The following ENTREP2 variants were observed in gnomAD, a reference collection of about 807,000 sequenced individuals.
ENTREP2 encodes endosomal transmembrane epsin interactor 2.
chr15:29,522,668 A>G, the ENTREP2 span, among the ~76,000 whole-genome samples: 2 of 152,324 alleles, frequency 1.3e-5, no homozygotes, highest in Admixed American at 6.5e-5. Context: ...ATCACAGTGC[A>G]TGTGAGAACC....
the ENTREP2 span, among the ~76,000 whole-genome samples, chr15:29,458,125 G>A: frequency 6.6e-6 from 1 of 152,204 alleles, no homozygotes; most frequent in African/African-American, 2.4e-5. Flanking sequence ...TAGCTAGCAT[G>A]TCGGTCAGTC....
chr15:29,638,233 C>A, the ENTREP2 span, among the ~76,000 whole-genome samples: 39 of 152,228 alleles, frequency 2.6e-4, no homozygotes, highest in African/African-American at 9.2e-4. Flanking sequence ...TGCTGCAGGG[C>A]CAGCTCTTCC....
chr15:29,179,644 G>T, the ENTREP2 span, among the ~76,000 whole-genome samples: 2 of 151,118 alleles, frequency 1.3e-5, no homozygotes, highest in African/African-American at 2.4e-5. Context: ...GCAGTGGTGC[G>T]ATCTCAGCTC....
At chr15:29,668,699 CA>C in the ENTREP2 span, among the ~76,000 whole-genome samples, 1 of 152,148 alleles carries the variant, frequency 6.6e-6, no homozygotes, top group East Asian at 1.9e-4. Flanking sequence ...AAAGGAGCTT[CA>C]AGGTCTCTCT....
the ENTREP2 span, among the ~76,000 whole-genome samples, chr15:29,633,604 A>G: frequency 5.3e-5 from 8 of 152,118 alleles, no homozygotes; most frequent in Non-Finnish European, 1.2e-4. Flanking sequence ...TTCATGCACA[A>G]TTTTGCAATC....
chr15:29,550,133 C>T, the ENTREP2 span, among the ~76,000 whole-genome samples: 1 of 152,158 alleles, frequency 6.6e-6, no homozygotes, highest in East Asian at 1.9e-4. Context: ...CATATCTAGG[C>T]CCCGACTCTG....
the ENTREP2 span, among the ~76,000 whole-genome samples, chr15:29,231,652 T>C: frequency 1.3e-5 from 2 of 152,274 alleles, no homozygotes; most frequent in South Asian, 2.1e-4. Context: ...TAGTCTAATA[T>C]AGTATGCTAT....
At chr15:29,666,991 C>T in the ENTREP2 span, among the ~76,000 whole-genome samples, 2 of 152,132 alleles carry the variant, frequency 1.3e-5, no homozygotes, top group Non-Finnish European at 2.9e-5. Context: ...TCTCTGCCTC[C>T]ATTGTCACCT....
chr15:29,643,088 T>C, the ENTREP2 span, among the ~76,000 whole-genome samples: 2 of 152,114 alleles, frequency 1.3e-5, no homozygotes, highest in African/African-American at 4.8e-5. Context: ...TAGACTTAAA[T>C]CTTCACAACC....
the ENTREP2 span, among the ~76,000 whole-genome samples, chr15:29,253,950 T>A: frequency 1.3e-5 from 2 of 152,130 alleles, no homozygotes; most frequent in East Asian, 3.8e-4. Context: ...TATACTTGAC[T>A]CTTTCTGTTC....
chr15:29,502,195 G>T, the ENTREP2 span, among the ~76,000 whole-genome samples: 343 of 151,918 alleles, frequency 2.3e-3, 1 homozygote, highest in African/African-American at 7.7e-3. Context: ...CAAAGTGAGA[G>T]GAATCACACT....
the ENTREP2 span, among the ~76,000 whole-genome samples, chr15:29,644,725 C>T: frequency 1.5e-4 from 23 of 150,914 alleles, no homozygotes; most frequent in Non-Finnish European, 3.2e-4. Context: ...ATTGCTTGAA[C>T]CGGGGAGGTG....
the ENTREP2 span, among the ~76,000 whole-genome samples, chr15:29,654,617 G>C: frequency 6.6e-6 from 1 of 152,148 alleles, no homozygotes; most frequent in Non-Finnish European, 1.5e-5. Flanking sequence ...ATTAGAGATG[G>C]TGAGATCCAT....
chr15:29,468,025 C>T, the ENTREP2 span, among the ~76,000 whole-genome samples: 3 of 152,126 alleles, frequency 2.0e-5, no homozygotes. Flanking sequence ...ACAAGGCTCA[C>T]AGCTCTTTCT....
the ENTREP2 span, among the ~76,000 whole-genome samples, chr15:29,143,566 T>G: frequency 1.3e-5 from 2 of 152,086 alleles, no homozygotes; most frequent in African/African-American, 2.4e-5. Context: ...AGAAGGGCCG[T>G]GGGGGCTGGA....
the ENTREP2 span, among the ~76,000 whole-genome samples, chr15:29,462,898 C>A: frequency 6.6e-6 from 1 of 152,084 alleles, no homozygotes; most frequent in African/African-American, 2.4e-5. Context: ...AGTTTCTACT[C>A]CTGTTGATAG....
the ENTREP2 span, among the ~76,000 whole-genome samples, chr15:29,321,314 C>T: frequency 6.6e-6 from 1 of 151,960 alleles, no homozygotes; most frequent in Non-Finnish European, 1.5e-5. Context: ...AGAAGAAATC[C>T]CACCAACCTA....
the ENTREP2 span, among the ~76,000 whole-genome samples, chr15:29,539,981 C>T: frequency 6.6e-6 from 1 of 152,140 alleles, no homozygotes; most frequent in Non-Finnish European, 1.5e-5. Flanking sequence ...TCCCAAGAGA[C>T]AAAGTCTAGG....
chr15:29,254,527 G>A, the ENTREP2 span, among the ~76,000 whole-genome samples: 1 of 152,114 alleles, frequency 6.6e-6, no homozygotes, highest in Non-Finnish European at 1.5e-5. Context: ...TAAATAATGA[G>A]TTAGACATAG....
Sources: gnomAD v4.1 joint callset for allele counts (sites outside exome capture counted in the v4.1 genomes callset) on GRCh38, gnomAD v4.1.1 for gene constraint, MANE v1.5 for transcripts, NCBI Gene and HGNC (gene_info 2026-07-23, HGNC 2026-07-21) for gene names.